PPARD: variants seen among roughly 807,000 people sequenced by gnomAD.
PPARD encodes peroxisome proliferator-activated receptor delta.
In PPARD, 6 loss-of-function variants were observed where a neutral mutation model predicts 39.5. The ratio of observed to expected loss-of-function variants is 0.15; its 90% CI spans 0.08 to 0.30. PPARD has a LOEUF of 0.30. PPARD is among the 10% of genes least tolerant of loss of function. The pLI, the probability that PPARD is intolerant of heterozygous loss-of-function variation, is 1.00. For missense variants in PPARD, 397 were observed against 596.8 expected, an observed-to-expected ratio of 0.67 and a Z score of 3.49; for synonymous variants, 210 against 231.3, an observed-to-expected ratio of 0.91 and a Z score of 0.83.
At chr6:35,396,307 C>T (rs1764309857) in intron 2 of PPARD, among the ~76,000 whole-genome samples, 1 of 151,578 alleles carries the variant, frequency 6.6e-6, no homozygotes, top group Admixed American at 6.6e-5. Context: ...CAGGTTCACG[C>T]CATTCTCCTG....
At chr6:35,371,566 G>A (rs541377975) in intron 2 of PPARD, among the ~76,000 whole-genome samples, 2 of 151,412 alleles carry the variant, frequency 1.3e-5, no homozygotes, top group African/African-American at 2.4e-5. Context: ...TCAGTTTCCC[G>A]GAGCCTTACT....
At chr6:35,348,096 C>T (rs1308923441) in intron 2 of PPARD, among the ~76,000 whole-genome samples, 21 of 147,164 alleles carry the variant, frequency 1.4e-4, no homozygotes, top group African/African-American at 4.0e-4. Context: ...TTAGTAGAGA[C>T]GGGGTTTCAC....
chr6:35,372,879 C>A (rs1762580646), intron 2 of PPARD, among the ~76,000 whole-genome samples: 1 of 152,162 alleles, frequency 6.6e-6, no homozygotes, highest in Admixed American at 6.5e-5. Flanking sequence ...ATGGTTCATA[C>A]CTGTCTTAGT....
At chr6:35,388,970 CTG>C (rs1256150829) in intron 2 of PPARD, among the ~76,000 whole-genome samples, 1 of 152,198 alleles carries the variant, frequency 6.6e-6, no homozygotes, top group Non-Finnish European at 1.5e-5. Flanking sequence ...CCAGGAGAAA[CTG>C]GACGCACAAC....
chr6:35,370,126 T>C (rs561415150), intron 2 of PPARD, among the ~76,000 whole-genome samples: 1 of 152,332 alleles, frequency 6.6e-6, no homozygotes, highest in African/African-American at 2.4e-5. Flanking sequence ...TTTTGAATGA[T>C]GATATTCTCT....
chr6:35,416,971 AT>A (rs1287761329), intron 3 of PPARD, among the ~76,000 whole-genome samples: 8 of 148,256 alleles, frequency 5.4e-5, no homozygotes, highest in Non-Finnish European at 1.2e-4. Flanking sequence ...TTTCTTGTTT[AT>A]TTATTTGTTT....
At chr6:35,365,193 C>T (rs1762143923) in intron 2 of PPARD, among the ~76,000 whole-genome samples, 2 of 134,358 alleles carry the variant, frequency 1.5e-5, no homozygotes, top group Non-Finnish European at 1.5e-5. Flanking sequence ...AGTGCAGTGG[C>T]GCGATCTCAG....
At chr6:35,353,477 T>A (rs1052520418) in intron 2 of PPARD, among the ~76,000 whole-genome samples, 9 of 152,074 alleles carry the variant, frequency 5.9e-5, no homozygotes, top group African/African-American at 2.2e-4. Context: ...AGATTAAGAG[T>A]TCACAAACTT....
Position 35,363,678 on chromosome 6 carries a change from G to A in PPARD, c.-102+16528G>A, listed in dbSNP as rs1762041424. Reference sequence around the variant, plus strand: ...GGAAGTCACGGGGGAGATGAAGGGCGAGTGAGCAGCTAGAAAGTGCCAGGG... The same window carrying A: ...GGAAGTCACGGGGGAGATGAAGGGCAAGTGAGCAGCTAGAAAGTGCCAGGG... On this transcript the variant is annotated intron_variant, in intron 2 of 7. Coordinates refer to ENST00000360694, the MANE Select transcript of PPARD (RefSeq NM_006238.5). This position sits in a 1 kb window ranked among gnomAD's most constrained non-coding sequence, Gnocchi z 4.5. Among the ~76,000 whole-genome samples, 1 of 152,156 alleles carries A rather than the reference G, an allele frequency of 6.6e-6. No homozygotes were observed. Among genetic ancestry groups the A allele is most frequent in the Non-Finnish European group, 1.5e-5 (1 of 68,024 alleles).
chr6:35,384,008 CCCGCCAG>C (rs1308842499), intron 2 of PPARD, among the ~76,000 whole-genome samples: 50 of 134,920 alleles, frequency 3.7e-4, no homozygotes, highest in African/African-American at 1.7e-3. Flanking sequence ...AGCCCCACGC[CCCGCCAG>C]CCGCCCCGTC....
chr6:35,427,254 C>T lies in PPARD; in HGVS notation c.*1175C>T. 6.3e-6 allele frequency: 1 copy of T among 159,114 alleles called. No homozygotes were observed. The highest frequency in any genetic ancestry group is 1.7e-4 in the East Asian group (1 of 5,878). The allele number at this position is 159,114 out of a possible 1,614,324, so 9.9% of individuals were successfully genotyped here. On this transcript the variant is annotated 3_prime_UTR_variant, in exon 8 of 8. Coordinates refer to ENST00000360694, the MANE Select transcript of PPARD (RefSeq NM_006238.5). Reference sequence around the variant, plus strand: ...TGCCCCTCCAGCACACACACATAAGCACTGAAATCACTTTACCTGCAGGCT... The same window carrying T: ...TGCCCCTCCAGCACACACACATAAGTACTGAAATCACTTTACCTGCAGGCT...
chr6:35,388,267 T>C (rs2150648987), intron 2 of PPARD, among the ~76,000 whole-genome samples: 1 of 152,000 alleles, frequency 6.6e-6, no homozygotes, highest in African/African-American at 2.4e-5. Context: ...TGAGACAGGA[T>C]GAGGAGCAGG....
intron 2 of PPARD, among the ~76,000 whole-genome samples, chr6:35,350,613 T>C (rs990791182): frequency 1.9e-5 from 2 of 103,102 alleles, no homozygotes; most frequent in East Asian, 4.3e-4. Flanking sequence ...TCTATGTGTC[T>C]TTTTTTTTTT....
intron 1 of PPARD, among the ~76,000 whole-genome samples, chr6:35,344,904 C>G (rs1447125497): frequency 6.6e-6 from 1 of 152,208 alleles, no homozygotes; most frequent in Non-Finnish European, 1.5e-5. Flanking sequence ...TTTGGGTAGA[C>G]TGGACCAGAG....
intron 2 of PPARD, among the ~76,000 whole-genome samples, chr6:35,374,432 C>G (rs1469639138): frequency 6.6e-6 from 1 of 151,510 alleles, no homozygotes; most frequent in African/African-American, 2.4e-5. Flanking sequence ...CCGAGGCGGG[C>G]GGATCACAAG....
At chr6:35,397,715 A>G (rs558629110) in intron 2 of PPARD, 2 of 193,806 alleles carry the variant, frequency 1.0e-5, no homozygotes, top group South Asian at 3.5e-4. Context: ...CTTTGGGAAG[A>G]GACAAGCACT....
At chr6:35,345,871 T>A (rs544445478) in intron 1 of PPARD, among the ~76,000 whole-genome samples, 16 of 150,696 alleles carry the variant, frequency 1.1e-4, no homozygotes, top group African/African-American at 3.7e-4. Flanking sequence ...TCACTTTTTT[T>A]TCGTTTTTTT....
At chr6:35,385,903 T>C (rs998738386) in intron 2 of PPARD, among the ~76,000 whole-genome samples, 1 of 150,114 alleles carries the variant, frequency 6.7e-6, no homozygotes, top group Non-Finnish European at 1.5e-5. Flanking sequence ...CAGAATGGGG[T>C]GGGGAGGGCG....
intron 2 of PPARD, among the ~76,000 whole-genome samples, chr6:35,352,085 T>C (rs1430880676): frequency 6.6e-6 from 1 of 151,778 alleles, no homozygotes; most frequent in Non-Finnish European, 1.5e-5. Context: ...TCCAGGCTGG[T>C]CTCAAACTCC....
Sources: gnomAD v4.1 joint callset for allele counts (sites outside exome capture counted in the v4.1 genomes callset) on GRCh38, gnomAD v4.1.1 for gene constraint, Gnocchi (gnomAD v3.1) non-coding constraint, MANE v1.5 for transcripts, NCBI Gene and HGNC (gene_info 2026-07-23, HGNC 2026-07-21) for gene names.